ZFHX3: variants seen among roughly 807,000 people sequenced by gnomAD.
The protein encoded by ZFHX3 is zinc finger homeobox 3, also known as zinc finger homeobox protein 3.
ZFHX3 carries 42 observed loss-of-function variants against 279.1 expected under a neutral mutation model. The observed-to-expected ratio is 0.15, with a 90% CI of 0.12 to 0.19. The LOEUF (loss-of-function observed/expected upper bound fraction) is 0.19, where lower values mean the gene tolerates loss of function less well. Ranked by LOEUF, ZFHX3 falls within the 10% of genes least tolerant of loss-of-function variation. ZFHX3 has a pLI of 1.00. For missense variants in ZFHX3, 4,981 were observed against 4,754.0 expected (o/e 1.05, Z -1.40); for synonymous variants, 2,293 against 1,957.8 (o/e 1.17, Z -4.52).
chr16:73,877,449 G>T (rs1039462379), intron 1 of ZFHX3, among the ~76,000 whole-genome samples: 1 of 152,040 alleles, frequency 6.6e-6, no homozygotes, highest in Non-Finnish European at 1.5e-5. Context: ...TGGTGATATT[G>T]AAAAAATATA....
chr16:73,722,681 A>T (rs904621380), intron 1 of ZFHX3, among the ~76,000 whole-genome samples: 5 of 152,302 alleles, frequency 3.3e-5, no homozygotes, highest in Admixed American at 3.3e-4. Context: ...GGGGATATAA[A>T]CCATGACACA....
At chr16:73,780,474 A>C (rs1396324175) in intron 1 of ZFHX3, among the ~76,000 whole-genome samples, 1 of 142,572 alleles carries the variant, frequency 7.0e-6, no homozygotes, top group Non-Finnish European at 1.5e-5. Flanking sequence ...ACAGAGTCTC[A>C]CTCTGCCACC....
intron 1 of ZFHX3, among the ~76,000 whole-genome samples, chr16:73,760,525 C>CA (rs1232491558): frequency 6.6e-6 from 1 of 151,758 alleles, no homozygotes; most frequent in African/African-American, 2.4e-5. Flanking sequence ...CAAAACCTGA[C>CA]AAAAAAAGAA....
intron 4 of ZFHX3, among the ~76,000 whole-genome samples, chr16:73,273,720 G>C (rs940537010): frequency 5.3e-5 from 8 of 151,984 alleles, no homozygotes; most frequent in Admixed American, 1.3e-4. Context: ...TCTCCCACTT[G>C]CCAGATATTT....
intron 1 of ZFHX3, among the ~76,000 whole-genome samples, chr16:73,782,497 T>C (rs1959506560): frequency 6.6e-6 from 1 of 152,198 alleles, no homozygotes; most frequent in Non-Finnish European, 1.5e-5. Context: ...CAAGCCTAGC[T>C]CTTTTCTGGT....
intron 2 of ZFHX3, among the ~76,000 whole-genome samples, chr16:73,547,566 T>G (rs558707287): frequency 2.5e-4 from 38 of 151,022 alleles, no homozygotes; most frequent in African/African-American, 4.1e-4. Flanking sequence ...GATGGGGGGG[T>G]TTGTCAAGAG....
At chr16:73,837,445 T>C (rs1368202861) in intron 1 of ZFHX3, among the ~76,000 whole-genome samples, 1 of 152,198 alleles carries the variant, frequency 6.6e-6, no homozygotes, top group Non-Finnish European at 1.5e-5. Flanking sequence ...ACAAAAAGTG[T>C]TGTGGTAAAG....
At chr16:73,435,055 T>C (rs1364824242) in intron 3 of ZFHX3, among the ~76,000 whole-genome samples, 1 of 152,112 alleles carries the variant, frequency 6.6e-6, no homozygotes, top group Non-Finnish European at 1.5e-5. Context: ...TCATCCTCAT[T>C]ATTGTTTGAA....
At chr16:73,220,939 A>G (rs555362302) in intron 5 of ZFHX3, among the ~76,000 whole-genome samples, 1 of 152,306 alleles carries the variant, frequency 6.6e-6, no homozygotes, top group African/African-American at 2.4e-5. Context: ...CTCAGGGACA[A>G]CAGTGGTCCA....
At chr16:73,783,797 A>G (rs1228079246) in intron 1 of ZFHX3, among the ~76,000 whole-genome samples, 1 of 152,200 alleles carries the variant, frequency 6.6e-6, no homozygotes, top group East Asian at 1.9e-4. Context: ...CAGATGAGAA[A>G]ACTAAAGTCA....
chr16:72,850,022 T>G (rs2037576403), intron 4 of ZFHX3, among the ~76,000 whole-genome samples: 1 of 152,084 alleles, frequency 6.6e-6, no homozygotes, highest in Non-Finnish European at 1.5e-5. Context: ...GTCGGGGGAC[T>G]GTCAGAGCAA....
At position 73,192,958 on chromosome 16, in the gene ZFHX3, CTG is replaced by C. The variant is rs553711913; in HGVS notation, c.-1103-49129_-1103-49128del. 1.6e-3 allele frequency among the ~76,000 whole-genome samples: 244 copies of C among 152,280 alleles called. 3 individuals are homozygous for C. The South Asian group carries it at 0.028, about 17-fold the overall frequency. The stretch of plus-strand genomic sequence containing the variant: ...TGCTGCTAAGCCTCAGTTTCCCTGT[CTG>C]TGAAACTGGAGGAATAATAGCCACC... On this transcript the variant is annotated intron_variant, in intron 5 of 17. Coordinates refer to the ZFHX3 transcript ENST00000641206.
chr16:72,815,928 T>G (rs73588902), intron 5 of ZFHX3, among the ~76,000 whole-genome samples: 1,588 of 152,360 alleles, frequency 0.01, 37 homozygotes, highest in African/African-American at 0.036. Context: ...GGGCATGGTA[T>G]AAGTAAACAA....
upstream of ZFHX3, among the ~76,000 whole-genome samples, chr16:73,062,638 G>A (rs1029437436): frequency 3.3e-5 from 5 of 152,070 alleles, no homozygotes; most frequent in African/African-American, 1.2e-4. Flanking sequence ...GAGGATGAAG[G>A]GGTCTTAGGA....
intron 3 of ZFHX3, among the ~76,000 whole-genome samples, chr16:73,455,066 C>G (rs1343451148): frequency 4.6e-5 from 7 of 152,146 alleles, no homozygotes; most frequent in Non-Finnish European, 5.9e-5. Context: ...CGATGTGACT[C>G]TTTTTTGAAC....
rs767895847 is a variant in ZFHX3 at position 72,957,807 on chromosome 16, GCCGCAGCCA to G, written c.2330_2338del (p.Val777_Ala779del). The G allele has an allele frequency of 8.8e-6, 14 of 1,590,210 alleles. No individual in the cohort carries two copies. The highest frequency in any genetic ancestry group is 5.1e-5 in the Admixed American group (3 of 59,294). ...GCTACTGATATTGGCTGCCGCCGCC[GCCGCAGCCA>G]CCGCCGCCGCCGCCGCCCCGGCAGT... On this transcript the variant is annotated inframe_deletion, in exon 2 of 10. Coordinates refer to ENST00000268489, the MANE Select transcript of ZFHX3 (RefSeq NM_006885.4).
chr16:73,433,259 T>G (rs993765691), intron 3 of ZFHX3, among the ~76,000 whole-genome samples: 2 of 152,156 alleles, frequency 1.3e-5, no homozygotes, highest in Non-Finnish European at 2.9e-5. Flanking sequence ...AGCTCAGCCC[T>G]CCACCCCCTT....
upstream of ZFHX3, among the ~76,000 whole-genome samples, chr16:73,051,889 AG>A (rs1965457429): frequency 6.6e-6 from 1 of 152,202 alleles, no homozygotes; most frequent in South Asian, 2.1e-4. Flanking sequence ...TTTTAAACAC[AG>A]GGGGATTCTT....
At chr16:73,397,911 C>A (rs1465623807) in intron 3 of ZFHX3, among the ~76,000 whole-genome samples, 1 of 152,174 alleles carries the variant, frequency 6.6e-6, no homozygotes, top group Non-Finnish European at 1.5e-5. Flanking sequence ...ATGGCGCAAT[C>A]TTGGCTCACT....
Sources: allele counts gnomAD v4.1 joint callset (sites outside exome capture counted in the v4.1 genomes callset), GRCh38; gene constraint gnomAD v4.1.1; transcripts MANE v1.5; gene names NCBI Gene and HGNC (gene_info 2026-07-23, HGNC 2026-07-21).